TPT1: variants seen among roughly 807,000 people sequenced by gnomAD.
TPT1 encodes the protein tumor protein, translationally-controlled 1.
TPT1 carries 5 observed loss-of-function variants against 22.8 expected under a neutral mutation model. The observed-to-expected ratio is 0.22, with a 90% CI of 0.11 to 0.46. The LOEUF (loss-of-function observed/expected upper bound fraction) is 0.46, where lower values mean the gene tolerates loss of function less well. TPT1 is among the 20% of genes least tolerant of loss of function. TPT1 has a pLI of 0.99. For missense variants in TPT1, 130 were observed against 218.7 expected (o/e 0.59, Z 2.56); for synonymous variants, 89 against 73.6 (o/e 1.21, Z -1.07).
chr13:45,338,944 G>A (rs1016042849), intron 4 of TPT1, 168 bp from the exon 5 acceptor site: 83 of 554,616 alleles, frequency 1.5e-4, no homozygotes, highest in Non-Finnish European at 2.4e-4. Context: ...CTGGATTAAG[G>A]CACCTTAATA....
At chr13:45,337,754 G>C (rs761449605) in intron 5 of TPT1, 1 of 593,656 alleles carries the variant, frequency 1.7e-6, no homozygotes, top group Non-Finnish European at 3.0e-6. Context: ...AGTAATTTCT[G>C]TCTACTGTTG....
intron 2 of TPT1, 68 bp from the exon 3 acceptor site, chr13:45,340,252 A>G: frequency 1.3e-6 from 2 of 1,524,724 alleles, no homozygotes; most frequent in Non-Finnish European, 1.8e-6. Flanking sequence ...CCACGCCAAT[A>G]GTTCACGGAT....
intron 1 of TPT1, 82 bp from the exon 2 acceptor site, chr13:45,340,867 G>A (rs1842366165): frequency 2.7e-6 from 4 of 1,459,898 alleles, no homozygotes; most frequent in South Asian, 2.9e-5. Flanking sequence ...GCCGCACGCG[G>A]GATCTGCCCC....
rs1256009455 is a variant in TPT1, at chr13:45,337,357, T to C, written c.*29A>G. Reference sequence around the variant, plus strand: ...AGCAGAAGCCAGTTATGATGACAGGTGATAGATCCAAAATAATTGCCACAT... The same window carrying C: ...AGCAGAAGCCAGTTATGATGACAGGCGATAGATCCAAAATAATTGCCACAT... On this transcript the variant is annotated 3_prime_UTR_variant, in exon 6 of 6. Transcript: ENST00000530705. The C allele has an allele frequency of 6.2e-7, 1 of 1,612,116 alleles. No homozygotes were observed. The highest frequency in any genetic ancestry group is 2.2e-5 in the East Asian group (1 of 44,870).
In TPT1 at chr13:45,339,598, T is replaced by C. The variant is rs1184601031; in HGVS notation, c.298A>G (p.Lys100Glu). 1 of 1,611,622 alleles carries C rather than the reference T, an allele frequency of 6.2e-7. No homozygotes were observed. The highest frequency in any genetic ancestry group is 8.5e-7 in the Non-Finnish European group (1 of 1,179,040). ...KYIKDYMKSI[K>E]GKLEEQRPER... ...GGTCTCTGTTCTTCAAGTTTCCCTT[T>C]GATTCTAAAACAACATTTCATTAAC... The change falls in exon 4 of 6, where the codon AAA becomes GAA. Residue 100 changes from lysine to glutamate, a missense_variant. By Grantham distance (56) the Lys-to-Glu change is moderately conservative. Transcript: ENST00000530705.
At chr13:45,340,262 T>A in intron 2 of TPT1, 78 bp from the exon 3 acceptor site, 7 of 1,485,372 alleles carry the variant, frequency 4.7e-6, no homozygotes, top group Non-Finnish European at 6.5e-6. Context: ...AGTTCACGGA[T>A]AAGAAGTATT....
intron 4 of TPT1, 124 bp from the exon 5 acceptor site, chr13:45,338,900 G>T: frequency 1.4e-6 from 1 of 710,014 alleles, no homozygotes; most frequent in Non-Finnish European, 2.3e-6. Flanking sequence ...GTACCCAAAA[G>T]CTCTGATGCT....
At chr13:45,340,205 A>G (rs762611512) in intron 2 of TPT1, 21 bp from the exon 3 acceptor site, 9 of 1,599,242 alleles carry the variant, frequency 5.6e-6, no homozygotes, top group Admixed American at 3.5e-5. Flanking sequence ...AAAAAGCAGT[A>G]TAATTGCAAA....
In TPT1 at chr13:45,337,213, T is replaced by C. The variant is rs977355737; in HGVS notation, c.*173A>G. 9.0e-6 allele frequency: 6 copies of C among 668,338 alleles called. No individual in the cohort carries two copies. Among genetic ancestry groups the C allele is most frequent in the Non-Finnish European group, 1.6e-5 (6 of 383,412 alleles). The allele number at this position is 668,338 out of a possible 1,614,324, so 41.4% of individuals were successfully genotyped here. ...GCATTTTATTTTTAGACAACCTACATGACATGTTTTTCTTAAAAACAATGC... is the reference window on the plus strand; with the variant it reads ...GCATTTTATTTTTAGACAACCTACACGACATGTTTTTCTTAAAAACAATGC... On this transcript the variant is annotated 3_prime_UTR_variant, in exon 6 of 6. Transcript: ENST00000530705.
At chr13:45,337,660 G>C in intron 5 of TPT1, 2 of 1,162,078 alleles carry the variant, frequency 1.7e-6, no homozygotes. Context: ...GCTGTGGCAT[G>C]TACCACCCAC....
chr13:45,340,047 T>C lies in TPT1; in HGVS notation c.240A>G (p.Glu80=). ...TGTAGGCTTCTTTTGTGAAACTTGT[T>C]TCCTGCAGGTGATGGTTCATGACAA... is the stretch of plus-strand genomic sequence containing the variant. ...VDIVMNHHLQ[E]TSFTKEAYKK... Residue 80 remains glutamate (E), a synonymous_variant, in exon 3 of 6, where the codon GAA becomes GAG. Coordinates refer to ENST00000530705, the MANE Select transcript of TPT1 (RefSeq NM_003295.4). The C allele has an allele frequency of 1.2e-6, 2 of 1,614,188 alleles. No individual in the cohort carries two copies. Among genetic ancestry groups the C allele is most frequent in the South Asian group, 1.1e-5 (1 of 91,082 alleles).
At chr13:45,340,375 G>C (rs1392839081) in intron 2 of TPT1, 191 bp from the exon 3 acceptor site, 63 of 903,978 alleles carry the variant, frequency 7.0e-5, no homozygotes, top group Non-Finnish European at 9.2e-5. Flanking sequence ...CTGTTGGCCG[G>C]AACAAAAAAT....
In TPT1 at chr13:45,335,156, C is replaced by T. The variant is rs1878590530; in HGVS notation, c.*2230G>A. 1 of 152,112 alleles carries T rather than the reference C, an allele frequency of 6.6e-6. No individual in the cohort carries two copies. The highest frequency in any genetic ancestry group is 1.5e-5 in the Non-Finnish European group (1 of 68,028). The allele number at this position is 152,112 out of a possible 1,614,324, so 9.4% of individuals were successfully genotyped here. A position where few individuals can be genotyped will look rare whatever the true frequency, so the allele number is the denominator to read the frequency against. ...CTTATTCTTGCCCAAAACGTCTTGA[C>T]CCTAGGAATAACGAGAAAAAGATAT... On this transcript the variant is annotated 3_prime_UTR_variant, in exon 6 of 6. Coordinates refer to ENST00000530705, the MANE Select transcript of TPT1 (RefSeq NM_003295.4).
intron 4 of TPT1, 87 bp downstream of exon 4, chr13:45,339,410 G>C: frequency 8.4e-7 from 1 of 1,193,440 alleles, no homozygotes; most frequent in Non-Finnish European, 1.2e-6. Flanking sequence ...TGGAATACTA[G>C]TATAGAATTG....
rs2137552357 is a variant in TPT1 at position 45,340,196 on chromosome 13, A to C, written c.103-12T>G. ...GTCCTACTGACCATCTGCATTAAGA[A>C]AAAGCAGTATAATTGCAAAAGACAC... On this transcript the variant is annotated splice_polypyrimidine_tract_variant and intron_variant, in intron 2 of 5. Coordinates refer to ENST00000530705, the MANE Select transcript of TPT1 (RefSeq NM_003295.4). 6.2e-7 allele frequency: 1 copy of C among 1,604,028 alleles called. No homozygotes were observed. Among genetic ancestry groups the C allele is most frequent in the East Asian group, 2.2e-5 (1 of 44,716 alleles).
chr13:45,340,812 ACCGTGCGCCTGGCGCCGCC>A (rs1452608030), intron 1 of TPT1, 27 bp from the exon 2 acceptor site: 2 of 1,509,012 alleles, frequency 1.3e-6, no homozygotes, highest in East Asian at 2.3e-5. Context: ...GCCGCCCATC[ACCGTGCGCCTGGCGCCGCC>A]ATTTCCCGCA....
rs1231987917 is a variant in TPT1 at position 45,339,614 on chromosome 13, T to G, written c.294-12A>C. ...GTTTCCCTTTGATTCTAAAACAACA[T>G]TTCATTAACAGGTTGAAGTATTGAA... On this transcript the variant is annotated splice_polypyrimidine_tract_variant and intron_variant, in intron 3 of 5. Coordinates refer to ENST00000530705, the MANE Select transcript of TPT1 (RefSeq NM_003295.4). The G allele has an allele frequency of 1.9e-6, 3 of 1,597,528 alleles. No homozygotes were observed. The highest frequency in any genetic ancestry group is 1.7e-4 in the Middle Eastern group (1 of 6,020).
rs1476843765 is a variant in TPT1 at position 45,341,147 on chromosome 13, A to G, written c.-78T>C. 1.3e-6 allele frequency: 2 copies of G among 1,582,012 alleles called. No individual in the cohort carries two copies. Among genetic ancestry groups the G allele is most frequent in the Admixed American group, 1.8e-5 (1 of 55,572 alleles). On this transcript the variant is annotated 5_prime_UTR_variant, in exon 1 of 6. Transcript: ENST00000530705. The stretch of plus-strand genomic sequence containing the variant: ...CTCGGAGCGAGCGCGGTGCAGCCGG[A>G]GCGGCGCTCGGGGGGAGGGGGGAGC...
intron 2 of TPT1, 29 bp downstream of exon 2, chr13:45,340,683 T>TC (rs1342907460): frequency 2.0e-5 from 31 of 1,559,546 alleles, no homozygotes; most frequent in Non-Finnish European, 2.4e-5. Flanking sequence ...CGGCCCGGAC[T>TC]CCCCCACGCG....
Sources: gnomAD v4.1 joint callset for allele counts on GRCh38, gnomAD v4.1.1 for gene constraint, MANE v1.5 for transcripts, NCBI Gene and HGNC (gene_info 2026-07-23, HGNC 2026-07-21) for gene names.